The following SHANK2 variants were observed in gnomAD, a reference collection of about 807,000 sequenced individuals.
The protein encoded by SHANK2 is SH3 and multiple ankyrin repeat domains protein 2.
In SHANK2, 43 loss-of-function variants were observed where a neutral mutation model predicts 133.7. That is an observed-to-expected ratio of 0.32 (90% CI 0.25 to 0.41). The LOEUF is 0.41. Among genes scored for constraint, SHANK2 ranks in the 10% least tolerant of loss-of-function variants. SHANK2 has a pLI of 1.00. For missense variants in SHANK2, 1,994 were observed against 2,235.8 expected (o/e 0.89, Z 2.18); for synonymous variants, 1,017 against 952.8 (o/e 1.07, Z -1.24).
At chr11:70,813,755 T>G (rs1555053682) in intron 12 of SHANK2, among the ~76,000 whole-genome samples, 1 of 152,144 alleles carries the variant, frequency 6.6e-6, no homozygotes. Context: ...GCTCAGGTCC[T>G]GTGTCATCTC....
intron 17 of SHANK2, among the ~76,000 whole-genome samples, chr11:70,537,842 G>A (rs375297141): frequency 1.3e-5 from 2 of 152,200 alleles, no homozygotes; most frequent in East Asian, 1.9e-4. Flanking sequence ...TGGTGTAGCC[G>A]ACGTCAACCC....
intron 14 of SHANK2, among the ~76,000 whole-genome samples, chr11:70,702,846 C>G (rs1555024079): frequency 1.3e-5 from 2 of 152,202 alleles, no homozygotes; most frequent in Non-Finnish European, 2.9e-5. Flanking sequence ...GAACCCAGCT[C>G]TGCCACTTAC....
At chr11:70,854,607 C>T (rs1277897559) in intron 11 of SHANK2, among the ~76,000 whole-genome samples, 1 of 152,202 alleles carries the variant, frequency 6.6e-6, no homozygotes, top group Non-Finnish European at 1.5e-5. Flanking sequence ...CAAGGAAGGG[C>T]CTTCTGGGGA....
intron 14 of SHANK2, among the ~76,000 whole-genome samples, chr11:70,725,690 G>T (rs1020931620): frequency 6.6e-6 from 1 of 152,132 alleles, no homozygotes; most frequent in East Asian, 1.9e-4. Flanking sequence ...CAGCAACACT[G>T]AGAATGTCAT....
intron 17 of SHANK2, among the ~76,000 whole-genome samples, chr11:70,621,251 A>C (rs906383317): frequency 1.6e-4 from 25 of 152,218 alleles, no homozygotes; most frequent in Non-Finnish European, 3.2e-4. Context: ...TGAGGAGATT[A>C]AGTGTCATAA....
chr11:70,534,665 GAC>G (rs1565106239), intron 17 of SHANK2, among the ~76,000 whole-genome samples: 1 of 152,174 alleles, frequency 6.6e-6, no homozygotes, highest in African/African-American at 2.4e-5. Flanking sequence ...ATGAAAGAAT[GAC>G]AGTGTCCTAA....
intron 17 of SHANK2, among the ~76,000 whole-genome samples, chr11:70,565,759 T>C (rs1170492300): frequency 6.6e-6 from 1 of 152,214 alleles, no homozygotes; most frequent in Non-Finnish European, 1.5e-5. Context: ...AGTTGTTTCA[T>C]GAGGAAAGGT....
In SHANK2 at chr11:71,175,051, G is replaced by A. The variant is rs1382942876; in HGVS notation, c.-12-27713C>T. ...TCATGCTCTCAGATAAGCCTTCCCC[G>A]GTTACCTTTCTGCAGCTACAAAACA... is the stretch of plus-strand genomic sequence containing the variant. On this transcript the variant is annotated intron_variant, in intron 2 of 25. Transcript: ENST00000601538. This position sits in a 1 kb window ranked among gnomAD's most constrained non-coding sequence, Gnocchi z 4.2. 6.9e-6 allele frequency among the ~76,000 whole-genome samples: 1 copy of A among 145,094 alleles called. No individual in the cohort carries two copies. Among genetic ancestry groups the A allele is most frequent in the Non-Finnish European group, 1.5e-5 (1 of 66,126 alleles).
chr11:71,163,071 T>TAAAAA (rs1159852026), intron 2 of SHANK2, among the ~76,000 whole-genome samples: 7 of 45,562 alleles, frequency 1.5e-4, no homozygotes, highest in East Asian at 5.0e-4. Context: ...AGACTCTGTC[T>TAAAAA]AAAAAAAAAA....
chr11:71,059,416 C>G (rs894814942), intron 9 of SHANK2, among the ~76,000 whole-genome samples: 179 of 152,164 alleles, frequency 1.2e-3, no homozygotes, highest in African/African-American at 3.8e-3. Context: ...GTGGTGATGG[C>G]TGCACAACTC....
chr11:70,936,227 C>T (rs899344803), intron 10 of SHANK2, among the ~76,000 whole-genome samples: 5 of 152,126 alleles, frequency 3.3e-5, no homozygotes, highest in South Asian at 2.1e-4. Flanking sequence ...AAGCAACAGG[C>T]GAGGCCAGGC....
At chr11:70,901,354 G>T (rs949348402) in intron 10 of SHANK2, among the ~76,000 whole-genome samples, 18 of 152,282 alleles carry the variant, frequency 1.2e-4, no homozygotes, top group African/African-American at 3.9e-4. Flanking sequence ...ATTCTCGAGG[G>T]TTATGACAAG....
chr11:70,736,131 C>G (rs567144653), intron 14 of SHANK2, among the ~76,000 whole-genome samples: 63 of 151,850 alleles, frequency 4.1e-4, no homozygotes, highest in African/African-American at 1.5e-3. Flanking sequence ...GGCAGAGGAG[C>G]CAGTCAAGGC....
chr11:71,194,978 G>A (rs1555115978), intron 2 of SHANK2, among the ~76,000 whole-genome samples: 3 of 152,210 alleles, frequency 2.0e-5, no homozygotes, highest in Non-Finnish European at 2.9e-5. Flanking sequence ...ATCCCAATAA[G>A]GCTTAAACCT....
intron 17 of SHANK2, among the ~76,000 whole-genome samples, chr11:70,599,949 AAGAAAGAAAGAAAGAAAG>A (rs2060468446): frequency 1.5e-5 from 2 of 131,916 alleles, no homozygotes; most frequent in Non-Finnish European, 3.2e-5. Context: ...GAAAGAAAGA[AAGAAAGAAAGAAAGAAAG>A]AAAGAAAATG....
intron 12 of SHANK2, among the ~76,000 whole-genome samples, chr11:70,808,099 C>T (rs559469631): frequency 5.9e-5 from 9 of 152,278 alleles, no homozygotes; most frequent in African/African-American, 1.7e-4. Flanking sequence ...GATGGCTGCA[C>T]AGCACTCGAA....
intron 2 of SHANK2, among the ~76,000 whole-genome samples, chr11:71,163,086 A>C (rs1953054328): frequency 8.9e-6 from 1 of 111,938 alleles, no homozygotes; most frequent in African/African-American, 3.3e-5. Flanking sequence ...AAAAAAAAAA[A>C]AAAAAAAATA....
At chr11:70,577,691 G>A (rs1554984582) in intron 17 of SHANK2, among the ~76,000 whole-genome samples, 1 of 146,434 alleles carries the variant, frequency 6.8e-6, no homozygotes, top group Non-Finnish European at 1.5e-5. Flanking sequence ...CACTGGACTC[G>A]TGGCTCCCTG....
At chr11:71,204,904 A>AGGAGGGTCCCTCTGCAGAT (rs1954098825) in intron 2 of SHANK2, among the ~76,000 whole-genome samples, 3 of 152,200 alleles carry the variant, frequency 2.0e-5, no homozygotes, top group African/African-American at 7.2e-5. Context: ...GGTCCCAGGT[A>AGGAGGGTCCCTCTGCAGAT]GGAGGGTCCC....
Sources: gnomAD v4.1 joint callset for allele counts (sites outside exome capture counted in the v4.1 genomes callset) on GRCh38, gnomAD v4.1.1 for gene constraint, Gnocchi (gnomAD v3.1) non-coding constraint, MANE v1.5 for transcripts, NCBI Gene and HGNC (gene_info 2026-07-23, HGNC 2026-07-21) for gene names.